The following TM9SF1 variants were observed in gnomAD, a reference collection of about 807,000 sequenced individuals.
TM9SF1 encodes MP70 protein family member.
In TM9SF1, 25 loss-of-function variants were observed where a neutral mutation model predicts 52.4. The ratio of observed to expected loss-of-function variants is 0.48; its 90% CI spans 0.35 to 0.67. TM9SF1 has a LOEUF of 0.67. Among genes scored for constraint, TM9SF1 ranks in the 30% least tolerant of loss-of-function variants. The pLI, the probability that TM9SF1 is intolerant of heterozygous loss-of-function variation, is 0.01. For synonymous variants in TM9SF1, 284 were observed against 299.8 expected (o/e 0.95, Z 0.55); for missense variants, 604 against 780.3 (o/e 0.77, Z 2.69).
rs200719557 is a variant in TM9SF1 at position 24,189,666 on chromosome 14, A to C, written c.1570T>G (p.Leu524Val). The change falls in exon 6 of 6, where the codon TTG becomes GTG. Residue 524 changes from leucine (L) to valine (V), a missense_variant. Coordinates refer to ENST00000261789, the MANE Select transcript of TM9SF1 (RefSeq NM_006405.7). ...CISIALTYFQLSGEDYRWWWR... is the reference protein window; with the variant it reads ...CISIALTYFQVSGEDYRWWWR... Reference sequence around the variant, plus strand: ...CACCAGCGGTAATCCTCCCCAGACAACTGGAAGTAGGTGAGTGCAATGGAG... The same window carrying C: ...CACCAGCGGTAATCCTCCCCAGACACCTGGAAGTAGGTGAGTGCAATGGAG... 1 of 1,614,032 alleles carries C rather than the reference A, an allele frequency of 6.2e-7. No individual in the cohort carries two copies. Among genetic ancestry groups the C allele is most frequent in the Non-Finnish European group, 8.5e-7 (1 of 1,180,024 alleles).
chr14:24,190,568 C>T lies in TM9SF1; in HGVS notation c.1239G>A (p.Leu413=). ...STQALPATTI[L]LLLTVWLLVG... ...CCAGCAGCCAAACCGTCAGAAGCAG[C>T]AGGATGGTTGTGGCTGGCAGAGCCT... Residue 413 remains leucine, a synonymous_variant, in exon 5 of 6, where the codon CTG becomes CTA. Transcript: ENST00000261789. 6.2e-7 allele frequency: 1 copy of T among 1,614,184 alleles called. No homozygotes were observed. The highest frequency in any genetic ancestry group is 8.5e-7 in the Non-Finnish European group (1 of 1,180,030).
chr14:24,191,449 G>A (rs547271563), intron 4 of TM9SF1, among the ~76,000 whole-genome samples: 11 of 152,360 alleles, frequency 7.2e-5, no homozygotes, highest in Middle Eastern at 3.4e-3. Flanking sequence ...GGGCAATCTG[G>A]TTTGAAAGCC....
chr14:24,190,706 AG>A, intron 4 of TM9SF1, 53 bp from the exon 5 acceptor site: 3 of 1,518,182 alleles, frequency 2.0e-6, no homozygotes, highest in Non-Finnish European at 2.7e-6. Flanking sequence ...TACATCTCTA[AG>A]GGCACCCACT....
intron 1 of TM9SF1, 74 bp from the exon 2 acceptor site, chr14:24,195,110 G>A: frequency 9.3e-7 from 1 of 1,072,866 alleles, no homozygotes; most frequent in Non-Finnish European, 1.4e-6. Context: ...CTCGAACTGA[G>A]GTCCCCTGGC....
At position 24,190,646 on chromosome 14, in the gene TM9SF1, G is replaced by T; in HGVS notation, c.1161C>A (p.Phe387Leu). Residue 387 changes from phenylalanine to leucine, a missense_variant, in exon 5 of 6, where the codon TTC becomes TTA. Transcript: ENST00000261789. ...ILTTSLFSVP[F>L]FLTWSVVNSV... The stretch of plus-strand genomic sequence containing the variant: ...AGTTCACCACACTCCACGTCAGGAA[G>T]AAAGGCACTGCAGGGATGGGCCCCC... 6.2e-7 allele frequency: 1 copy of T among 1,610,842 alleles called. No individual in the cohort carries two copies. Among genetic ancestry groups the T allele is most frequent in the Non-Finnish European group, 8.5e-7 (1 of 1,177,690 alleles).
intron 5 of TM9SF1, 83 bp downstream of exon 5, chr14:24,190,297 G>C: frequency 6.6e-7 from 1 of 1,517,746 alleles, no homozygotes; most frequent in South Asian, 1.3e-5. Flanking sequence ...CAACGGGTTG[G>C]GTTAGGGTAC....
chr14:24,190,114 T>G, intron 5 of TM9SF1: 1 of 1,364,992 alleles, frequency 7.3e-7, no homozygotes, highest in Non-Finnish European at 9.4e-7. Flanking sequence ...AAATGGGCTT[T>G]AAACCCCACA....
At chr14:24,193,340 C>T in intron 2 of TM9SF1, 71 bp from the exon 3 acceptor site, 1 of 1,477,096 alleles carries the variant, frequency 6.8e-7, no homozygotes, top group East Asian at 2.3e-5. Flanking sequence ...AAGTTTCTCA[C>T]CTTCAGCACT....
At chr14:24,191,241 A>C (rs970637892) in intron 4 of TM9SF1, among the ~76,000 whole-genome samples, 1 of 152,184 alleles carries the variant, frequency 6.6e-6, no homozygotes, top group Admixed American at 6.5e-5. Context: ...ACATAATCTG[A>C]GAGTAGCACA....
chr14:24,192,377 GCC>G lies in TM9SF1; in HGVS notation c.968-23_968-22del, dbSNP rs1266831656. On this transcript the variant is annotated intron_variant, in intron 3 of 5. Coordinates refer to ENST00000261789, the MANE Select transcript of TM9SF1 (RefSeq NM_006405.7). The surrounding 1 kb of genome is among the most constrained non-coding windows in gnomAD (Gnocchi z 4.0). Reference sequence around the variant, plus strand: ...AATGCCTGCAGGACGGTAGCGGAAAGCCCAAGTTAGGCCTCACCTGTGTCTCT... The same window carrying G: ...AATGCCTGCAGGACGGTAGCGGAAAGCAAGTTAGGCCTCACCTGTGTCTCT... The G allele has an allele frequency of 1.9e-6, 3 of 1,605,514 alleles. No homozygotes were observed. The highest frequency in any genetic ancestry group is 2.6e-6 in the Non-Finnish European group (3 of 1,174,332).
chr14:24,190,673 G>GA lies in TM9SF1; in HGVS notation c.1154-21dup. The GA allele has an allele frequency of 6.3e-7, 1 of 1,593,326 alleles. No individual in the cohort carries two copies. The highest frequency in any genetic ancestry group is 8.6e-7 in the Non-Finnish European group (1 of 1,167,506). On this transcript the variant is annotated intron_variant, in intron 4 of 5. Coordinates refer to ENST00000261789, the MANE Select transcript of TM9SF1 (RefSeq NM_006405.7). ...AAGGCACTGCAGGGATGGGCCCCCGGAGGGAGGGTCAACACTAGGAGCTAC... is the reference window on the plus strand; with the variant it reads ...AAGGCACTGCAGGGATGGGCCCCCGGAAGGGAGGGTCAACACTAGGAGCTAC...
chr14:24,190,706 A>AG, intron 4 of TM9SF1, 53 bp from the exon 5 acceptor site: 1 of 1,518,182 alleles, frequency 6.6e-7, no homozygotes, highest in Non-Finnish European at 8.9e-7. Flanking sequence ...TACATCTCTA[A>AG]GGGCACCCAC....
In TM9SF1 at chr14:24,189,541, C is replaced by T; in HGVS notation, c.1695G>A (p.Gln565=). The T allele has an allele frequency of 6.2e-7, 1 of 1,614,216 alleles. No homozygotes were observed. ...AGGAGTAGCCGAAGAACTCTACTGTCTGTACTGCCCCAGACATGTTGGAGC... is the reference window on the plus strand; with the variant it reads ...AGGAGTAGCCGAAGAACTCTACTGTTTGTACTGCCCCAGACATGTTGGAGC... ...ARRSNMSGAV[Q]TVEFFGYSLL... is the part of the protein sequence containing the mutation. The change falls in exon 6 of 6, where the codon CAG becomes CAA. Residue 565 remains glutamine (Q), a synonymous_variant. Transcript: ENST00000261789.
chr14:24,195,357 G>T lies in TM9SF1; in HGVS notation c.-29C>A. 3.9e-6 allele frequency: 1 copy of T among 256,502 alleles called. No individual in the cohort carries two copies. Among genetic ancestry groups the T allele is most frequent in the Non-Finnish European group, 7.6e-6 (1 of 131,840 alleles). 15.9% of individuals were successfully genotyped at this position (256,502 alleles called of 1,614,324 possible). A position where few individuals can be genotyped will look rare whatever the true frequency, so the allele number is the denominator to read the frequency against. ...CCCGGGGTCCTCACCGCGCGGGAAGGGCTGGCCGAGGCGGCGCCAGCGGCC... is the reference window on the plus strand; with the variant it reads ...CCCGGGGTCCTCACCGCGCGGGAAGTGCTGGCCGAGGCGGCGCCAGCGGCC... On this transcript the variant is annotated 5_prime_UTR_variant, in exon 1 of 6. Transcript: ENST00000261789.
chr14:24,193,277 G>A lies in TM9SF1; in HGVS notation c.346-8C>T, dbSNP rs150386466. On this transcript the variant is annotated splice_polypyrimidine_tract_variant and splice_region_variant and intron_variant, in intron 2 of 5. Coordinates refer to ENST00000261789, the MANE Select transcript of TM9SF1 (RefSeq NM_006405.7). ...CTGGCGCAGCTGCTCCACCTATAAA[G>A]AGCAAGTCAGGAGTTGGTCACACAA... 1.3e-6 allele frequency: 2 copies of A among 1,583,504 alleles called. No homozygotes were observed. Among genetic ancestry groups the A allele is most frequent in the Non-Finnish European group, 8.6e-7 (1 of 1,163,212 alleles).
chr14:24,193,788 C>T (rs1447111953), intron 2 of TM9SF1, among the ~76,000 whole-genome samples: 4 of 151,512 alleles, frequency 2.6e-5, no homozygotes, highest in East Asian at 2.0e-4. Context: ...GGCGTGGTGG[C>T]GGGCGCCTGT....
intron 1 of TM9SF1, 33 bp from the exon 2 acceptor site, chr14:24,195,069 A>C: frequency 6.5e-7 from 1 of 1,544,570 alleles, no homozygotes; most frequent in South Asian, 1.2e-5. Context: ...TATAGAAACC[A>C]GGGAGGTTAC....
At position 24,189,503 on chromosome 14, in the gene TM9SF1, T is replaced by C. The variant is rs2039283786; in HGVS notation, c.1733A>G (p.Tyr578Cys). Residue 578 changes from tyrosine (Y) to cysteine (C), a missense_variant, in exon 6 of 6, where the codon TAT (tyrosine) becomes TGT (cysteine). Transcript: ENST00000261789. ...GGTGCCCAGCATGAGGAAGAAGACA[T>C]AACCAGTGAGTAAGGAGTAGCCGAA... is the stretch of plus-strand genomic sequence containing the variant. Reference protein sequence around the residue: ...EFFGYSLLTGYVFFLMLGTIS... With the variant: ...EFFGYSLLTGCVFFLMLGTIS... 2 of 1,614,082 alleles carry C rather than the reference T, an allele frequency of 1.2e-6. No homozygotes were observed. Among genetic ancestry groups the C allele is most frequent in the African/African-American group, 2.7e-5 (2 of 74,996 alleles).
chr14:24,194,973 G>A lies in TM9SF1; in HGVS notation c.47C>T (p.Pro16Leu), dbSNP rs746734924. The change falls in exon 2 of 6, where the codon CCA (proline) becomes CTA (leucine). Residue 16 changes from proline (P) to leucine (L), a missense_variant. Pro to Leu is a moderately conservative substitution (Grantham distance 98, BLOSUM62 -3). Around this residue, in one of 3 missense-constraint regions of TM9SF1, gnomAD observed 47 missense variants for 39.7 expected, o/e 1.18. Coordinates refer to ENST00000261789, the MANE Select transcript of TM9SF1 (RefSeq NM_006405.7). Reference protein sequence around the residue: ...NPRSWSCQWLPILILLLGTGH... With the variant: ...NPRSWSCQWLLILILLLGTGH... Reference sequence around the variant, plus strand: ...TGTGCCCAGCAACAGTATCAGGATTGGCAACCACTGGCAGCTCCAACTTCG... The same window carrying A: ...TGTGCCCAGCAACAGTATCAGGATTAGCAACCACTGGCAGCTCCAACTTCG... 3.1e-6 allele frequency: 5 copies of A among 1,614,096 alleles called. No individual in the cohort carries two copies. The highest frequency in any genetic ancestry group is 4.2e-6 in the Non-Finnish European group (5 of 1,180,018).
Sources: allele counts gnomAD v4.1 joint callset (sites outside exome capture counted in the v4.1 genomes callset), GRCh38; gene constraint gnomAD v4.1.1; regional missense constraint gnomAD v4.1.1; non-coding constraint Gnocchi (gnomAD v3.1); transcripts MANE v1.5; gene names NCBI Gene and HGNC (gene_info 2026-07-23, HGNC 2026-07-21).